The following EVC variants were observed in gnomAD, a reference collection of about 807,000 sequenced individuals.
The protein encoded by EVC is evC complex member EVC.
In EVC, 116 loss-of-function variants were observed where a neutral mutation model predicts 118.9. The observed-to-expected ratio is 0.98, with a 90% CI of 0.84 to 1.14. EVC has a LOEUF of 1.14. Among genes scored for constraint, EVC ranks in the 50% most tolerant of loss-of-function variants. The pLI is 0.00. For synonymous variants in EVC, 619 were observed against 534.7 expected, an observed-to-expected ratio of 1.16 and a Z score of -2.18; for missense variants, 1,401 against 1,246.4, an observed-to-expected ratio of 1.12 and a Z score of -1.87.
chr4:5,783,138 CTA>C (rs538180562), intron 11 of EVC, among the ~76,000 whole-genome samples: 232 of 152,008 alleles, frequency 1.5e-3, no homozygotes, highest in African/African-American at 5.0e-3. Flanking sequence ...ATGTATGAGT[CTA>C]TGTGTGATTC....
At chr4:5,729,482 T>C in intron 3 of EVC, 92 bp downstream of exon 3, 2 of 1,256,462 alleles carry the variant, frequency 1.6e-6, no homozygotes, top group African/African-American at 1.5e-5. Flanking sequence ...TGTGTGATGT[T>C]TGGTCCTGTT....
chr4:5,752,949 G>A lies in EVC; in HGVS notation c.1212G>A (p.Leu404=). ...RCRLAAISHG[L]ELLAGEGKLS... The stretch of plus-strand genomic sequence containing the variant: ...GGCTGGCTGCCATCTCCCACGGCCT[G>A]GAGCTGCTGGCTGGTGAGGGGAAGC... The change falls in exon 9 of 21, where the codon CTG becomes CTA. Residue 404 remains leucine (L), a synonymous_variant. Coordinates refer to ENST00000264956, the MANE Select transcript of EVC (RefSeq NM_153717.3). The A allele has an allele frequency of 1.2e-6, 2 of 1,614,098 alleles. No individual in the cohort carries two copies. The highest frequency in any genetic ancestry group is 1.7e-5 in the Admixed American group (1 of 60,038).
intron 2 of EVC, among the ~76,000 whole-genome samples, chr4:5,723,660 C>T (rs780143995): frequency 7.9e-5 from 12 of 152,036 alleles, no homozygotes; most frequent in Non-Finnish European, 7.4e-5. Flanking sequence ...TTGTATCTTT[C>T]CCTTGAGCAA....
intron 1 of EVC, among the ~76,000 whole-genome samples, chr4:5,714,927 C>G (rs537498898): frequency 1.3e-5 from 2 of 152,146 alleles, no homozygotes; most frequent in African/African-American, 4.8e-5. Context: ...GCCTCAGCCT[C>G]CCAAGTAGCT....
intron 20 of EVC, 86 bp from the exon 21 acceptor site, chr4:5,810,861 GCATTTT>G: frequency 8.2e-7 from 1 of 1,225,510 alleles, no homozygotes; most frequent in Non-Finnish European, 1.2e-6. Flanking sequence ...ACCTTTGGCT[GCATTTT>G]CATTTAATCC....
At chr4:5,747,699 G>A (rs1729579808) in intron 7 of EVC, among the ~76,000 whole-genome samples, 1 of 152,198 alleles carries the variant, frequency 6.6e-6, no homozygotes, top group Admixed American at 6.5e-5. Context: ...CATCCTCTCT[G>A]CCATATTAAG....
rs763159754 is a variant in EVC at position 5,783,664 on chromosome 4, A to G, written c.1676A>G (p.Gln559Arg). ...LPPEECDYLR[Q>R]EVQENAAWQL... ...CCGGAAGAGTGTGACTACTTGAGGCAGGAAGTCCAGGAGAACGCTGCCTGG... is the reference window on the plus strand; with the variant it reads ...CCGGAAGAGTGTGACTACTTGAGGCGGGAAGTCCAGGAGAACGCTGCCTGG... Residue 559 changes from glutamine (Q) to arginine (R), a missense_variant, in exon 12 of 21, where the codon CAG (glutamine) becomes CGG (arginine). By Grantham distance (43) the Gln-to-Arg change is conservative. Coordinates refer to ENST00000264956, the MANE Select transcript of EVC (RefSeq NM_153717.3). The G allele has an allele frequency of 9.3e-6, 15 of 1,614,074 alleles. 1 individual carries two copies. The South Asian group carries it at 1.4e-4, about 15-fold the overall frequency.
At position 5,745,337 on chromosome 4, in the gene EVC, A is replaced by C; in HGVS notation, c.935A>C (p.Asp312Ala). ...KEREYSEQLI[D>A]NMEAFWKQMA... ...AGAGAATACTCTGAACAGCTAATCG[A>C]TAATGTGCGTGCCAGACTTTCTTTC... Residue 312 changes from aspartate to alanine, a missense_variant, in exon 7 of 21, where the codon GAT (aspartate) becomes GCT (alanine). By Grantham distance (126) the Asp-to-Ala change is moderately radical. Transcript: ENST00000264956. The C allele has an allele frequency of 6.2e-7, 1 of 1,613,852 alleles. No homozygotes were observed. The highest frequency in any genetic ancestry group is 1.1e-5 in the South Asian group (1 of 91,074).
At chr4:5,762,178 T>C (rs1470993074) in intron 11 of EVC, among the ~76,000 whole-genome samples, 1 of 121,702 alleles carries the variant, frequency 8.2e-6, no homozygotes, top group Non-Finnish European at 1.8e-5. Context: ...TGGGATAGTT[T>C]ACTGAGAATG....
intron 11 of EVC, among the ~76,000 whole-genome samples, chr4:5,771,511 G>A (rs1298016309): frequency 3.3e-5 from 5 of 152,168 alleles, no homozygotes; most frequent in South Asian, 2.1e-4. Context: ...GTAAAGTTCC[G>A]TGCTCAAAGG....
intron 11 of EVC, among the ~76,000 whole-genome samples, chr4:5,767,501 G>C (rs1403486815): frequency 6.6e-6 from 1 of 151,060 alleles, no homozygotes; most frequent in Non-Finnish European, 1.5e-5. Context: ...CCCCCAGCGT[G>C]GCTGCCACCT....
chr4:5,828,351 C>T, the EVC span: 3 of 1,434,898 alleles, frequency 2.1e-6, no homozygotes, highest in Non-Finnish European at 2.7e-6. Flanking sequence ...AGCGTCTCAA[C>T]CCATTTAACA....
intron 4 of EVC, 60 bp from the exon 5 acceptor site, chr4:5,733,291 T>G (rs1727136009): frequency 1.4e-6 from 2 of 1,414,336 alleles, no homozygotes; most frequent in Non-Finnish European, 2.0e-6. Context: ...CGTGCCAATA[T>G]TCTTACTCTT....
intron 9 of EVC, among the ~76,000 whole-genome samples, 192 bp from the exon 10 acceptor site, chr4:5,753,593 T>C (rs1730723342): frequency 6.6e-6 from 1 of 152,264 alleles, no homozygotes; most frequent in South Asian, 2.1e-4. Flanking sequence ...CGTGGAGGCA[T>C]CTGGGCTTAG....
rs915511468 is a variant in EVC, at chr4:5,731,710, C to T, written c.617+53C>T. On this transcript the variant is annotated intron_variant, in intron 4 of 20. Coordinates refer to ENST00000264956, the MANE Select transcript of EVC (RefSeq NM_153717.3). The surrounding 1 kb of genome is among the most constrained non-coding windows in gnomAD (Gnocchi z 5.6). ...GGCTTCCAGTCCTCTTGGAGTGGGC[C>T]GGGAGTCACATCATTGTCAGAGGAG... is the stretch of plus-strand genomic sequence containing the variant. The T allele has an allele frequency of 2.5e-5, 37 of 1,504,204 alleles. No homozygotes were observed. The highest frequency in any genetic ancestry group is 2.2e-4 in the African/African-American group (16 of 72,400). 93.2% of individuals were successfully genotyped at this position (1,504,204 alleles called of 1,614,324 possible).
chr4:5,725,346 TAA>T (rs1725641341), intron 2 of EVC, among the ~76,000 whole-genome samples: 1 of 152,220 alleles, frequency 6.6e-6, no homozygotes, highest in Non-Finnish European at 1.5e-5. Context: ...ACCAACAGTG[TAA>T]AAGTTTTCCT....
chr4:5,765,393 G>A (rs1327282844), intron 11 of EVC, among the ~76,000 whole-genome samples: 2 of 111,618 alleles, frequency 1.8e-5, no homozygotes, highest in African/African-American at 3.5e-5. Context: ...ATTTGGGGTG[G>A]AGAGTTCTGT....
intron 16 of EVC, among the ~76,000 whole-genome samples, chr4:5,803,810 C>A (rs1577645998): frequency 6.6e-6 from 1 of 152,326 alleles, no homozygotes; most frequent in East Asian, 1.9e-4. Flanking sequence ...GCCACTGATC[C>A]TTGAGTGGGT....
chr4:5,797,415 T>G (rs755105029), intron 14 of EVC, 183 bp downstream of exon 14: 38 of 630,176 alleles, frequency 6.0e-5, no homozygotes, highest in Non-Finnish European at 9.8e-5. Flanking sequence ...CTGCACACAT[T>G]TCCCTGCTCA....
Sources: gnomAD v4.1 joint callset for allele counts (sites outside exome capture counted in the v4.1 genomes callset) on GRCh38, gnomAD v4.1.1 for gene constraint, Gnocchi (gnomAD v3.1) non-coding constraint, MANE v1.5 for transcripts, NCBI Gene and HGNC (gene_info 2026-07-23, HGNC 2026-07-21) for gene names.